Variants in NEK11 observed in about 807,000 individuals in gnomAD.
NEK11 encodes the protein NIMA related kinase 11.
A neutral mutation model predicts 80.7 loss-of-function variants in NEK11; 72 were observed. That is an observed-to-expected ratio of 0.89 (90% confidence interval 0.74 to 1.08). The LOEUF is 1.08. Among genes scored for constraint, NEK11 ranks in the 50% least tolerant of loss-of-function variants. The probability of loss-of-function intolerance (pLI) is 0.00; values close to 1 mark genes in which losing one functional copy is unlikely to be tolerated. For synonymous variants in NEK11, 251 were observed against 260.7 expected (o/e 0.96, Z 0.36); for missense variants, 764 against 763.6 (o/e 1.00, Z -0.01).
chr3:131,277,546 G>T (rs1227076754), intron 17 of NEK11, among the ~76,000 whole-genome samples: 1 of 152,218 alleles, frequency 6.6e-6, no homozygotes, highest in Non-Finnish European at 1.5e-5. Context: ...AAGGATATCA[G>T]GCAAATGACT....
chr3:131,111,649 C>T (rs942335836), intron 5 of NEK11, among the ~76,000 whole-genome samples: 1 of 152,116 alleles, frequency 6.6e-6, no homozygotes, highest in Non-Finnish European at 1.5e-5. Context: ...GCAAGCTCTC[C>T]TCTCTGAACC....
At chr3:131,172,947 C>T (rs1355722952) in intron 14 of NEK11, among the ~76,000 whole-genome samples, 4 of 152,166 alleles carry the variant, frequency 2.6e-5, no homozygotes, top group Non-Finnish European at 4.4e-5. Flanking sequence ...AATGCATTAG[C>T]ATGCTAAAAG....
At chr3:131,289,485 G>T (rs913470355) in intron 17 of NEK11, among the ~76,000 whole-genome samples, 1 of 152,202 alleles carries the variant, frequency 6.6e-6, no homozygotes, top group African/African-American at 2.4e-5. Context: ...GGTCATGAGG[G>T]ATAGGTATGA....
rs754200119 is a variant in NEK11 at position 131,201,636 on chromosome 3, AG to A, written c.1400-26891del. Among the ~76,000 whole-genome samples the A allele has an allele frequency of 2.6e-5, 4 of 152,274 alleles. No homozygotes were observed. The East Asian group carries it at 7.7e-4, about 29-fold the overall frequency. On this transcript the variant is annotated intron_variant, in intron 14 of 17. Transcript: ENST00000383366. ...GTTCACCACAACATTGAAGTGTGTA[AG>A]TAAATTTAGGTTGAGAGTTTATCAT...
At chr3:131,311,448 C>T (rs955517389) in intron 17 of NEK11, among the ~76,000 whole-genome samples, 9 of 152,192 alleles carry the variant, frequency 5.9e-5, no homozygotes, top group Admixed American at 5.9e-4. Context: ...TAAATCACTT[C>T]TGTGACTTAC....
intron 10 of NEK11, among the ~76,000 whole-genome samples, chr3:131,160,389 G>A (rs2091372782): frequency 6.6e-6 from 1 of 152,110 alleles, no homozygotes; most frequent in Non-Finnish European, 1.5e-5. Context: ...TGAGGGAATT[G>A]TTACTACCAG....
intron 17 of NEK11, among the ~76,000 whole-genome samples, chr3:131,285,872 C>T (rs557049535): frequency 1.7e-4 from 26 of 152,282 alleles, no homozygotes; most frequent in African/African-American, 6.0e-4. Context: ...AGAGATAAAT[C>T]GCTATAATGA....
intron 10 of NEK11, among the ~76,000 whole-genome samples, chr3:131,159,697 G>A (rs767320186): frequency 1.2e-4 from 18 of 152,084 alleles, no homozygotes; most frequent in Non-Finnish European, 2.4e-4. Context: ...CCTGGGAGGC[G>A]GAGGTTGCAG....
intron 3 of NEK11, among the ~76,000 whole-genome samples, chr3:131,079,164 A>G (rs2074851590): frequency 6.6e-6 from 1 of 152,208 alleles, no homozygotes; most frequent in South Asian, 2.1e-4. Context: ...ATTTACAATG[A>G]TGAGCATAAC....
In NEK11 at chr3:131,248,096, C is replaced by T. The variant is rs544127775; in HGVS notation, c.1621+4600C>T. Among the ~76,000 whole-genome samples the T allele has an allele frequency of 5.6e-4, 85 of 151,988 alleles. 2 individuals are homozygous for T. Among genetic ancestry groups the T allele is most frequent in the Middle Eastern group, 3.4e-3 (1 of 294 alleles). ...TTGGGTGCTATTTATTTTTCTCTTG[C>T]TTGGTTGCTCTGGGTAGGACTCCTA... is the stretch of plus-strand genomic sequence containing the variant. On this transcript the variant is annotated intron_variant, in intron 16 of 17. Transcript: ENST00000383366.
At chr3:131,225,775 G>A (rs1415281693) in intron 14 of NEK11, among the ~76,000 whole-genome samples, 2 of 151,994 alleles carry the variant, frequency 1.3e-5, no homozygotes, top group Non-Finnish European at 2.9e-5. Context: ...GTTGCAACCA[G>A]CATTAAAAAA....
intron 16 of NEK11, among the ~76,000 whole-genome samples, chr3:131,265,656 G>A (rs775613657): frequency 3.3e-5 from 5 of 152,098 alleles, no homozygotes; most frequent in African/African-American, 4.8e-5. Flanking sequence ...TGTTTATCAG[G>A]GATATTGGCC....
chr3:131,115,592 A>T (rs1286316068), intron 5 of NEK11, among the ~76,000 whole-genome samples: 1 of 152,188 alleles, frequency 6.6e-6, no homozygotes, highest in Non-Finnish European at 1.5e-5. Context: ...TGATGTTAAA[A>T]CCTGAGAAAA....
intron 4 of NEK11, among the ~76,000 whole-genome samples, chr3:131,100,715 A>G (rs7651067): frequency 0.19 from 28,545 of 152,058 alleles, 2,777 homozygotes; most frequent in Middle Eastern, 0.22. Context: ...TTTTCGTTGC[A>G]TCTTTGCCAG....
intron 7 of NEK11, among the ~76,000 whole-genome samples, chr3:131,135,866 T>C (rs1035690185): frequency 1.5e-4 from 23 of 152,240 alleles, no homozygotes; most frequent in African/African-American, 5.5e-4. Context: ...ATATCTGCTT[T>C]CCAGATCAGA....
chr3:131,241,913 A>G (rs978633097), intron 15 of NEK11, among the ~76,000 whole-genome samples: 4 of 152,254 alleles, frequency 2.6e-5, no homozygotes, highest in Admixed American at 2.0e-4. Context: ...ATAATTTTCT[A>G]TATTTTCCAG....
chr3:131,273,470 A>AT lies in NEK11; in HGVS notation c.1622-4dup, dbSNP rs768580803. Reference sequence around the variant, plus strand: ...TGAAGTCAATAAGGGCTGTGCATTGATTTTCAGACACAAAGACCATCACCA... The same window carrying AT: ...TGAAGTCAATAAGGGCTGTGCATTGATTTTTCAGACACAAAGACCATCACCA... On this transcript the variant is annotated splice_polypyrimidine_tract_variant and splice_region_variant and intron_variant, in intron 16 of 17. Transcript: ENST00000383366. The AT allele has an allele frequency of 1.9e-6, 3 of 1,612,486 alleles. No individual in the cohort carries two copies. Among genetic ancestry groups the AT allele is most frequent in the South Asian group, 2.2e-5 (2 of 91,020 alleles).
At chr3:131,162,176 A>C (rs1336712371) in intron 10 of NEK11, among the ~76,000 whole-genome samples, 1 of 152,236 alleles carries the variant, frequency 6.6e-6, no homozygotes, top group Non-Finnish European at 1.5e-5. Context: ...AATGAGCAGG[A>C]ATTTGGAAAG....
At chr3:131,349,007 C>A (rs575742826) in intron 17 of NEK11, among the ~76,000 whole-genome samples, 10 of 151,990 alleles carry the variant, frequency 6.6e-5, no homozygotes, top group Non-Finnish European at 1.5e-4. Flanking sequence ...TATATCCCAC[C>A]ATCCTGTTTC....
Sources: allele counts gnomAD v4.1 joint callset (sites outside exome capture counted in the v4.1 genomes callset), GRCh38; gene constraint gnomAD v4.1.1; transcripts MANE v1.5; gene names NCBI Gene and HGNC (gene_info 2026-07-23, HGNC 2026-07-21).